Variants in ANKRD62 observed in about 807,000 individuals in gnomAD.
ANKRD62 encodes ankyrin repeat domain 62, also known as ankyrin repeat domain-containing protein 62.
ANKRD62 carries 61 observed loss-of-function variants against 98.8 expected under a neutral mutation model. That is an observed-to-expected ratio of 0.62 (90% CI 0.50 to 0.76). The LOEUF (loss-of-function observed/expected upper bound fraction) is 0.76. ANKRD62 is among the 30% of genes least tolerant of loss of function. ANKRD62 has a pLI of 0.00. For missense variants in ANKRD62, 933 were observed against 1,082.9 expected (o/e 0.86, Z 1.94); for synonymous variants, 341 against 367.9 (o/e 0.93, Z 0.84).
chr18:12,129,974 A>G (rs1465672939), downstream of ANKRD62, among the ~76,000 whole-genome samples: 1 of 152,200 alleles, frequency 6.6e-6, no homozygotes, highest in Admixed American at 6.5e-5. Flanking sequence ...AGATTCTAAG[A>G]CGTGCTGAGG....
intron 1 of ANKRD62, 38 bp from the exon 2 acceptor site, chr18:12,095,133 G>A: frequency 7.0e-7 from 1 of 1,420,258 alleles, no homozygotes; most frequent in Non-Finnish European, 9.6e-7. Context: ...TTGGGACTGT[G>A]CACTACAATT....
At chr18:12,104,058 C>T (rs1176033932) in intron 7 of ANKRD62, among the ~76,000 whole-genome samples, 1 of 152,028 alleles carries the variant, frequency 6.6e-6, no homozygotes, top group Non-Finnish European at 1.5e-5. Context: ...CTCAAATGTG[C>T]ACTATTGGGT....
chr18:12,136,957 A>G, the ANKRD62 span, among the ~76,000 whole-genome samples: 1 of 152,250 alleles, frequency 6.6e-6, no homozygotes, highest in East Asian at 1.9e-4. Context: ...GGCTGAGATG[A>G]TGGGGTTTTC....
the ANKRD62 span, among the ~76,000 whole-genome samples, chr18:12,169,408 G>T: frequency 6.6e-6 from 1 of 152,014 alleles, no homozygotes; most frequent in Non-Finnish European, 1.5e-5. Context: ...TTTTGTCTTT[G>T]GTTCTGTTTA....
chr18:12,113,365 C>T lies in ANKRD62; in HGVS notation c.1065-1723C>T, dbSNP rs1021714272. Among the ~76,000 whole-genome samples the T allele has an allele frequency of 7.9e-5, 12 of 152,278 alleles. No homozygotes were observed. In the South Asian group the frequency reaches 8.3e-4, roughly 11 times the overall value. ...AGTCCAGGCTGGGCATGGTGGCTCA[C>T]GCCTGTAATCCCACCACTTTGGGAG... On this transcript the variant is annotated intron_variant, in intron 8 of 13. Coordinates refer to ENST00000587848, the MANE Select transcript of ANKRD62 (RefSeq NM_001277333.2).
chr18:12,137,362 A>G, the ANKRD62 span, among the ~76,000 whole-genome samples: 29 of 152,160 alleles, frequency 1.9e-4, no homozygotes, highest in Middle Eastern at 3.4e-3. Flanking sequence ...ATTGATTTTC[A>G]TATGTTGAAC....
chr18:12,163,397 T>C, the ANKRD62 span, among the ~76,000 whole-genome samples: 1 of 152,080 alleles, frequency 6.6e-6, no homozygotes, highest in Non-Finnish European at 1.5e-5. Flanking sequence ...CTAATAGGTT[T>C]TTGTTTGTGT....
intron 12 of ANKRD62, among the ~76,000 whole-genome samples, chr18:12,124,668 A>G (rs1026009389): frequency 7.9e-5 from 12 of 151,762 alleles, no homozygotes; most frequent in African/African-American, 2.9e-4. Flanking sequence ...TCATAATAGT[A>G]CATAATCTCA....
intron 5 of ANKRD62, chr18:12,098,487 C>A (rs1325647049): frequency 6.6e-6 from 1 of 152,170 alleles, no homozygotes; most frequent in Non-Finnish European, 1.5e-5. Flanking sequence ...TAGCATGGCC[C>A]CTGCATAAGC....
chr18:12,139,163 T>A, the ANKRD62 span, among the ~76,000 whole-genome samples: 1 of 152,204 alleles, frequency 6.6e-6, no homozygotes, highest in Non-Finnish European at 1.5e-5. Flanking sequence ...ATTTGGCATG[T>A]TTTTGCAGTG....
chr18:12,119,503 A>G (rs559898357), intron 10 of ANKRD62, among the ~76,000 whole-genome samples: 1 of 152,128 alleles, frequency 6.6e-6, no homozygotes, highest in African/African-American at 2.4e-5. Context: ...ACCTTCCTGG[A>G]TCATAGATGT....
At chr18:12,162,012 T>A in the ANKRD62 span, among the ~76,000 whole-genome samples, 1 of 152,090 alleles carries the variant, frequency 6.6e-6, no homozygotes, top group Non-Finnish European at 1.5e-5. Flanking sequence ...TCTCTGAGAA[T>A]CTAATGTCCT....
the ANKRD62 span, among the ~76,000 whole-genome samples, chr18:12,152,614 CA>C: frequency 6.6e-6 from 1 of 152,168 alleles, no homozygotes; most frequent in African/African-American, 2.4e-5. Flanking sequence ...GACAAATCTG[CA>C]GCCAAGATCA....
intron 10 of ANKRD62, among the ~76,000 whole-genome samples, chr18:12,120,500 C>G (rs1396432809): frequency 1.3e-5 from 2 of 152,146 alleles, no homozygotes; most frequent in Non-Finnish European, 2.9e-5. Context: ...TTTTTCTATT[C>G]TTGCAGCCGA....
chr18:12,146,577 C>T, the ANKRD62 span, among the ~76,000 whole-genome samples: 2 of 152,182 alleles, frequency 1.3e-5, no homozygotes, highest in African/African-American at 2.4e-5. Context: ...TTCCGAGCAG[C>T]TGGGACTACA....
intron 8 of ANKRD62, among the ~76,000 whole-genome samples, chr18:12,112,095 C>A (rs1285513841): frequency 1.7e-5 from 2 of 118,758 alleles, no homozygotes; most frequent in African/African-American, 3.4e-5. Context: ...AGGCCGACAA[C>A]AGCAAGACTC....
chr18:12,172,461 G>A, the ANKRD62 span, among the ~76,000 whole-genome samples: 5 of 149,830 alleles, frequency 3.3e-5, no homozygotes, highest in Non-Finnish European at 7.5e-5. Context: ...GAACAGCAAT[G>A]TTGCTTCCTG....
At chr18:12,115,149 G>C (rs1909634088) in intron 9 of ANKRD62, 28 bp downstream of exon 9, 1 of 1,385,650 alleles carries the variant, frequency 7.2e-7, no homozygotes, top group Non-Finnish European at 9.3e-7. Context: ...TGTCAAGAAT[G>C]CTGTTGAACA....
chr18:12,120,772 G>T (rs1049958564), intron 10 of ANKRD62, among the ~76,000 whole-genome samples: 3 of 151,642 alleles, frequency 2.0e-5, no homozygotes, highest in African/African-American at 7.3e-5. Flanking sequence ...TTCTTTTTTG[G>T]TTTTTTATAT....
Sources: gnomAD v4.1 joint callset for allele counts (sites outside exome capture counted in the v4.1 genomes callset) on GRCh38, gnomAD v4.1.1 for gene constraint, MANE v1.5 for transcripts, NCBI Gene and HGNC (gene_info 2026-07-23, HGNC 2026-07-21) for gene names.